Variants in TBCD observed in about 807,000 individuals in gnomAD.
TBCD encodes tubulin folding cofactor D, also known as tubulin-specific chaperone D.
Under a neutral mutation model 169.3 loss-of-function variants are expected in TBCD, and 105 were observed. The ratio of observed to expected loss-of-function variants is 0.62; its 90% CI spans 0.53 to 0.73. The LOEUF is 0.73. TBCD is among the 30% of genes least tolerant of loss of function. TBCD has a pLI of 0.00. For missense variants in TBCD, 1,444 were observed against 1,600.1 expected (o/e 0.90, Z 1.66); for synonymous variants, 700 against 643.9 (o/e 1.09, Z -1.32).
intron 7 of TBCD, among the ~76,000 whole-genome samples, chr17:82,794,553 A>G (rs2049969777): frequency 6.6e-6 from 1 of 152,064 alleles, no homozygotes; most frequent in South Asian, 2.1e-4. Context: ...TTTATGGCCT[A>G]GCTTATGAGC....
At position 82,941,409 on chromosome 17, in the gene TBCD, C is replaced by T. The variant is rs923773324; in HGVS notation, c.3490C>T (p.Leu1164Phe). Residue 1164 changes from leucine (L) to phenylalanine (F), a missense_variant, in exon 38 of 39, where the codon CTT becomes TTT. Physicochemically the swap from Leu to Phe is conservative, Grantham distance 22 (BLOSUM62 0). Transcript: ENST00000355528. ...VLSDTAWDAE[L>F]AVVREQRNRL... ...TCCCTCTCCTCACAGGGACGCGGAG[C>T]TTGCAGTGGTGAGAGAGCAGCGCAA... The T allele has an allele frequency of 8.1e-6, 13 of 1,595,694 alleles. No homozygotes were observed. Among genetic ancestry groups the T allele is most frequent in the Admixed American group, 1.7e-5 (1 of 58,888 alleles).
intron 6 of TBCD, among the ~76,000 whole-genome samples, chr17:82,777,904 C>T (rs1347215687): frequency 3.3e-5 from 5 of 152,188 alleles, no homozygotes; most frequent in African/African-American, 9.7e-5. Context: ...TTGACACTAA[C>T]GCTACCGCTA....
chr17:82,809,489 T>C (rs1238701193), intron 11 of TBCD, among the ~76,000 whole-genome samples: 1 of 152,146 alleles, frequency 6.6e-6, no homozygotes, highest in East Asian at 1.9e-4. Context: ...GTGCCGCGTG[T>C]GCTCACTCGT....
At position 82,782,749 on chromosome 17, in the gene TBCD, C is replaced by T. The variant is rs1181208422; in HGVS notation, c.771+1028C>T. ...CCTGTCCGCAGCATCGTCTTCCTAT[C>T]CGCGGCATTGTCTTCCTATCCGCGG... is the stretch of plus-strand genomic sequence containing the variant. On this transcript the variant is annotated intron_variant, in intron 7 of 38. Transcript: ENST00000355528. The surrounding 1 kb of genome is among the most constrained non-coding windows in gnomAD (Gnocchi z 5.1). Among the ~76,000 whole-genome samples the T allele has an allele frequency of 6.9e-6, 1 of 145,618 alleles. No homozygotes were observed. Among genetic ancestry groups the T allele is most frequent in the Non-Finnish European group, 1.5e-5 (1 of 67,938 alleles).
At chr17:82,860,224 G>A (rs983439501) in intron 13 of TBCD, among the ~76,000 whole-genome samples, 2 of 152,356 alleles carry the variant, frequency 1.3e-5, no homozygotes, top group Non-Finnish European at 2.9e-5. Flanking sequence ...TGGGCGTTCC[G>A]AGTGCCAGCG....
At chr17:82,780,738 G>A (rs2048894219) in intron 6 of TBCD, among the ~76,000 whole-genome samples, 1 of 138,932 alleles carries the variant, frequency 7.2e-6, no homozygotes, top group Non-Finnish European at 1.5e-5. Flanking sequence ...TCCGCCTCCC[G>A]GGTTCACGCG....
chr17:82,824,924 T>C (rs183380098), intron 13 of TBCD, among the ~76,000 whole-genome samples: 2 of 151,990 alleles, frequency 1.3e-5, no homozygotes, highest in Admixed American at 1.3e-4. Flanking sequence ...AGAAACGTAG[T>C]TAAAAAATAA....
rs75611178 is a variant in TBCD at position 82,876,955 on chromosome 17, A to G, written c.1475+6575A>G. The G allele has an allele frequency of 9.2e-5, 91 of 985,484 alleles. No individual in the cohort carries two copies. In the East Asian group the frequency reaches 8.3e-3, roughly 90 times the overall value. The allele number at this position is 985,484 out of a possible 1,614,324, so 61.0% of individuals were successfully genotyped here. ...GCGGAGCTGTTGAAGTGGACTGAAC[A>G]ACAGTAACCTTAGAGGGTTAGACTT... On this transcript the variant is annotated intron_variant, in intron 14 of 38. Coordinates refer to ENST00000355528, the MANE Select transcript of TBCD (RefSeq NM_005993.5).
Position 82,939,380 on chromosome 17 carries a change from C to T in TBCD, c.3383C>T (p.Thr1128Met), listed in dbSNP as rs1326153990. The T allele has an allele frequency of 8.7e-6, 14 of 1,611,954 alleles. No homozygotes were observed. Among genetic ancestry groups the T allele is most frequent in the Admixed American group, 5.0e-5 (3 of 59,860 alleles). The change falls in exon 37 of 39, where the codon ACG becomes ATG. Residue 1128 changes from threonine (T) to methionine (M), a missense_variant. Transcript: ENST00000355528. ...CHRFPLIRKT[T>M]ASQVYETLLT... Reference sequence around the variant, plus strand: ...TCCCTGTCCCAGATCCGGAAGACCACGGCCAGCCAGGTGTACGAGACATTG... The same window carrying T: ...TCCCTGTCCCAGATCCGGAAGACCATGGCCAGCCAGGTGTACGAGACATTG...
At chr17:82,910,492 A>G (rs1000306596) in intron 22 of TBCD, among the ~76,000 whole-genome samples, 3 of 152,108 alleles carry the variant, frequency 2.0e-5, no homozygotes, top group African/African-American at 7.2e-5. Context: ...CATATATTCC[A>G]GATGCCAGCT....
chr17:82,838,972 TCTC>T (rs2054224409), intron 13 of TBCD: 1 of 985,198 alleles, frequency 1.0e-6, no homozygotes, highest in South Asian at 4.7e-5. Context: ...CAGTAATTGT[TCTC>T]CTCCAAATCA....
intron 14 of TBCD, among the ~76,000 whole-genome samples, chr17:82,882,369 C>T (rs7220642): frequency 2.0e-5 from 3 of 152,126 alleles, no homozygotes; most frequent in East Asian, 1.9e-4. Flanking sequence ...GGCCCTGTGG[C>T]GTGTTCTGGG....
At chr17:82,914,736 ACT>A (rs1293924838) in intron 23 of TBCD, among the ~76,000 whole-genome samples, 1 of 148,152 alleles carries the variant, frequency 6.7e-6, no homozygotes, top group African/African-American at 2.6e-5. Context: ...GCCCCAGGAG[ACT>A]CTGGCCTGCA....
intron 33 of TBCD, 72 bp from the exon 34 acceptor site, chr17:82,932,586 C>A: frequency 7.9e-7 from 1 of 1,268,648 alleles, no homozygotes; most frequent in Non-Finnish European, 1.1e-6. Flanking sequence ...ATCCTGCTGA[C>A]TCTCAGCCAT....
intron 16 of TBCD, chr17:82,893,142 G>A (rs2059259192): frequency 8.9e-6 from 2 of 224,792 alleles, no homozygotes; most frequent in South Asian, 1.3e-4. Flanking sequence ...GCTCTGGTGT[G>A]CACCGACCTG....
chr17:82,857,674 G>T (rs1202186157), intron 13 of TBCD, among the ~76,000 whole-genome samples: 2 of 150,960 alleles, frequency 1.3e-5, no homozygotes, highest in African/African-American at 4.9e-5. Flanking sequence ...TATGAAGCTT[G>T]TCGGAGTGTT....
rs560730708 is a variant in TBCD at position 82,928,431 on chromosome 17, C to T, written c.2693+443C>T. ...GCCTGCCCTTGCTGTGTGTCTCTGT[C>T]GGGGGCACGGGGTTGTGGGTACCCC... On this transcript the variant is annotated intron_variant, in intron 30 of 38. Coordinates refer to ENST00000355528, the MANE Select transcript of TBCD (RefSeq NM_005993.5). 4.8e-3 allele frequency among the ~76,000 whole-genome samples: 728 copies of T among 152,224 alleles called. 5 individuals carry two copies. The highest frequency in any genetic ancestry group is 7.1e-3 in the Non-Finnish European group (481 of 67,990).
chr17:82,872,824 G>A (rs1481208401), intron 14 of TBCD, among the ~76,000 whole-genome samples: 1 of 152,244 alleles, frequency 6.6e-6, no homozygotes, highest in Admixed American at 6.5e-5. Context: ...TTGTGCTGAC[G>A]GCTTCCCAGC....
chr17:82,832,328 G>T lies in TBCD; in HGVS notation c.1318+17394G>T. On this transcript the variant is annotated intron_variant, in intron 13 of 38. Coordinates refer to ENST00000355528, the MANE Select transcript of TBCD (RefSeq NM_005993.5). The surrounding 1 kb of genome is among the most constrained non-coding windows in gnomAD (Gnocchi z 4.9). ...TTTTTACAAAGACCATACTTCATGT[G>T]ATTAAAAAGATGTGACTTCTCATTG... The T allele has an allele frequency of 6.2e-7, 1 of 1,614,220 alleles. No homozygotes were observed. The highest frequency in any genetic ancestry group is 8.5e-7 in the Non-Finnish European group (1 of 1,180,030).
Sources: gnomAD v4.1 joint callset for allele counts (sites outside exome capture counted in the v4.1 genomes callset) on GRCh38, gnomAD v4.1.1 for gene constraint, Gnocchi (gnomAD v3.1) non-coding constraint, MANE v1.5 for transcripts, NCBI Gene and HGNC (gene_info 2026-07-23, HGNC 2026-07-21) for gene names.